PTPRD: variants seen among roughly 807,000 people sequenced by gnomAD.
PTPRD encodes protein tyrosine phosphatase receptor type D.
In PTPRD, 34 loss-of-function variants were observed where a neutral mutation model predicts 214.5. The ratio of observed to expected loss-of-function variants is 0.16; its 90% CI spans 0.12 to 0.21. The LOEUF (loss-of-function observed/expected upper bound fraction) is 0.21, where lower values mean the gene tolerates loss of function less well. Ranked by LOEUF, PTPRD falls within the 10% of genes least tolerant of loss-of-function variation. The pLI is 1.00. For missense variants in PTPRD, 2,545 were observed against 2,398.7 expected, an observed-to-expected ratio of 1.06 and a Z score of -1.27; for synonymous variants, 1,128 against 845.7, an observed-to-expected ratio of 1.33 and a Z score of -5.79.
At chr9:8,800,892 T>C (rs536279510) in intron 11 of PTPRD, among the ~76,000 whole-genome samples, 1 of 152,244 alleles carries the variant, frequency 6.6e-6, no homozygotes, top group African/African-American at 2.4e-5. Flanking sequence ...GAAAATAATA[T>C]TGGTAAAAAT....
chr9:9,992,628 G>T (rs902374777), intron 4 of PTPRD, among the ~76,000 whole-genome samples: 1 of 152,156 alleles, frequency 6.6e-6, no homozygotes, highest in Admixed American at 6.5e-5. Context: ...ACATAAAAAA[G>T]GATGAGTTCA....
intron 14 of PTPRD, among the ~76,000 whole-genome samples, chr9:8,574,233 CA>C (rs1252959303): frequency 3.3e-5 from 5 of 151,976 alleles, no homozygotes; most frequent in Admixed American, 2.0e-4. Flanking sequence ...TTACCAAAAT[CA>C]TGATCATCAC....
At chr9:8,887,791 T>C (rs1379287059) in intron 11 of PTPRD, among the ~76,000 whole-genome samples, 4 of 152,172 alleles carry the variant, frequency 2.6e-5, no homozygotes, top group Non-Finnish European at 5.9e-5. Context: ...CAATTGCCAT[T>C]TAAAACTTTA....
chr9:9,014,303 A>G (rs552666519), intron 11 of PTPRD, among the ~76,000 whole-genome samples: 1 of 151,898 alleles, frequency 6.6e-6, no homozygotes, highest in Non-Finnish European at 1.5e-5. Flanking sequence ...TCTGAACAGA[A>G]ATGTGCTTAT....
chr9:10,053,512 G>C lies in PTPRD; in HGVS notation c.-544-19722C>G, dbSNP rs116547608. Among the ~76,000 whole-genome samples, 1,474 of 152,016 alleles carry C rather than the reference G, an allele frequency of 9.7e-3. 18 individuals are homozygous for C. Among genetic ancestry groups the C allele is most frequent in the African/African-American group, 0.033 (1,380 of 41,482 alleles). On this transcript the variant is annotated intron_variant, in intron 3 of 45. Transcript: ENST00000381196. Reference sequence around the variant, plus strand: ...GAAAAAGCTATGGATCTTCTCAGTGGGTAAATACTGGAAGCATATATTCCT... The same window carrying C: ...GAAAAAGCTATGGATCTTCTCAGTGCGTAAATACTGGAAGCATATATTCCT...
chr9:9,863,887 C>T (rs1357165898), intron 5 of PTPRD, among the ~76,000 whole-genome samples: 1 of 150,736 alleles, frequency 6.6e-6, no homozygotes, highest in Non-Finnish European at 1.5e-5. Context: ...TTTGATTGAA[C>T]TATACCTGAT....
chr9:9,305,259 C>A (rs1956777985), intron 9 of PTPRD, among the ~76,000 whole-genome samples: 1 of 151,896 alleles, frequency 6.6e-6, no homozygotes, highest in South Asian at 2.1e-4. Flanking sequence ...TAGATATTTA[C>A]TTTTTTTGTT....
At chr9:9,824,696 G>C (rs988292534) in intron 5 of PTPRD, among the ~76,000 whole-genome samples, 9 of 152,020 alleles carry the variant, frequency 5.9e-5, no homozygotes, top group African/African-American at 2.2e-4. Context: ...TTAGGAATCA[G>C]AAAAACTGAA....
intron 10 of PTPRD, among the ~76,000 whole-genome samples, chr9:9,110,133 A>C (rs1432102077): frequency 1.3e-5 from 2 of 151,968 alleles, no homozygotes; most frequent in Non-Finnish European, 2.9e-5. Flanking sequence ...GTCTCAAAGG[A>C]CTTCATTATT....
At chr9:8,746,830 AAAAC>A (rs1406541893) in intron 11 of PTPRD, among the ~76,000 whole-genome samples, 9 of 152,278 alleles carry the variant, frequency 5.9e-5, no homozygotes, top group African/African-American at 1.7e-4. Flanking sequence ...CCCATCTCTA[AAAAC>A]AAACAAACAA....
At chr9:9,573,319 C>CTGTA (rs1473684076) in intron 8 of PTPRD, among the ~76,000 whole-genome samples, 9 of 151,208 alleles carry the variant, frequency 6.0e-5, no homozygotes, top group African/African-American at 1.7e-4. Context: ...TTCTTATGTT[C>CTGTA]TGTATACTTC....
chr9:9,701,689 T>C (rs2097505156), intron 7 of PTPRD, among the ~76,000 whole-genome samples: 1 of 152,112 alleles, frequency 6.6e-6, no homozygotes, highest in Non-Finnish European at 1.5e-5. Context: ...AAATAGAATA[T>C]TAAAGTTGAA....
intron 6 of PTPRD, among the ~76,000 whole-genome samples, chr9:9,757,000 T>C (rs1346761680): frequency 6.6e-6 from 1 of 152,224 alleles, no homozygotes; most frequent in Admixed American, 6.5e-5. Context: ...AAAATACTTT[T>C]ATAGAATCAC....
At chr9:10,365,889 A>G (rs1181407240) in intron 2 of PTPRD, among the ~76,000 whole-genome samples, 1 of 152,222 alleles carries the variant, frequency 6.6e-6, no homozygotes, top group East Asian at 1.9e-4. Flanking sequence ...CAATGAGAGT[A>G]AATTATATTA....
rs557313041 is a variant in PTPRD, at chr9:10,459,760, T to C, written c.-599-118743A>G. Among the ~76,000 whole-genome samples the C allele has an allele frequency of 5.3e-5, 8 of 152,210 alleles. No individual in the cohort carries two copies. The South Asian group carries it at 1.7e-3, about 32-fold the overall frequency. ...CACTTTTTGATGGGATTGTTTTTTCTTGTAAATTTATTTAAGTTCCTTGTG... is the reference window on the plus strand; with the variant it reads ...CACTTTTTGATGGGATTGTTTTTTCCTGTAAATTTATTTAAGTTCCTTGTG... On this transcript the variant is annotated intron_variant, in intron 2 of 45. Transcript: ENST00000381196.
intron 3 of PTPRD, among the ~76,000 whole-genome samples, chr9:10,159,911 T>C (rs868655682): frequency 6.6e-6 from 1 of 152,010 alleles, no homozygotes; most frequent in African/African-American, 2.4e-5. Flanking sequence ...CAAAAGGGAT[T>C]TGAGCAAGAA....
At chr9:10,409,208 A>G (rs181358050) in intron 2 of PTPRD, among the ~76,000 whole-genome samples, 5 of 151,976 alleles carry the variant, frequency 3.3e-5, no homozygotes, top group Admixed American at 2.0e-4. Context: ...TTATGCATAT[A>G]GAGTATGACT....
chr9:8,367,023 T>C (rs1238063860), intron 39 of PTPRD, among the ~76,000 whole-genome samples: 1 of 152,096 alleles, frequency 6.6e-6, no homozygotes, highest in Non-Finnish European at 1.5e-5. Flanking sequence ...TGAAAGTGGA[T>C]TTATTTATTT....
intron 11 of PTPRD, among the ~76,000 whole-genome samples, chr9:8,840,062 T>C (rs144684699): frequency 6.6e-6 from 1 of 152,196 alleles, no homozygotes; most frequent in Non-Finnish European, 1.5e-5. Flanking sequence ...ATAATGAGAT[T>C]ATATTACTTT....
Sources: allele counts gnomAD v4.1 joint callset (sites outside exome capture counted in the v4.1 genomes callset), GRCh38; gene constraint gnomAD v4.1.1; transcripts MANE v1.5; gene names NCBI Gene and HGNC (gene_info 2026-07-23, HGNC 2026-07-21).